The following SLC2A9 variants were observed in gnomAD, a reference collection of about 807,000 sequenced individuals.
SLC2A9 encodes the protein solute carrier family 2 member 9.
In SLC2A9, 39 loss-of-function variants were observed where a neutral mutation model predicts 50.6. The observed-to-expected ratio is 0.77, with a 90% CI of 0.60 to 1.01. SLC2A9 has a LOEUF of 1.01. SLC2A9 is among the 50% of genes least tolerant of loss of function. SLC2A9 has a pLI of 0.00. For synonymous variants in SLC2A9, 324 were observed against 276.9 expected, an observed-to-expected ratio of 1.17 and a Z score of -1.69; for missense variants, 686 against 677.6, an observed-to-expected ratio of 1.01 and a Z score of -0.14.
At chr4:9,999,037 CAG>C (rs1332510986) in intron 2 of SLC2A9, among the ~76,000 whole-genome samples, 1 of 147,470 alleles carries the variant, frequency 6.8e-6, no homozygotes, top group Non-Finnish European at 1.5e-5. Flanking sequence ...CGGGGGATGA[CAG>C]AAGAAATAAC....
intron 4 of SLC2A9, among the ~76,000 whole-genome samples, chr4:9,981,554 C>A (rs1423514077): frequency 1.3e-5 from 2 of 152,102 alleles, no homozygotes; most frequent in African/African-American, 4.8e-5. Context: ...CCTAAATCAC[C>A]AAGTAATGTC....
chr4:9,840,240 C>T (rs903872773), intron 10 of SLC2A9, among the ~76,000 whole-genome samples: 8 of 152,254 alleles, frequency 5.3e-5, no homozygotes, highest in South Asian at 2.1e-4. Context: ...AAGAACTTAG[C>T]TATCTTCATA....
chr4:10,040,036 C>A lies in SLC2A9; in HGVS notation c.-41+94G>T, dbSNP rs531490954. 2.0e-5 allele frequency: 3 copies of A among 152,724 alleles called. No individual in the cohort carries two copies. The East Asian group carries it at 5.8e-4, about 29-fold the overall frequency. The allele number at this position is 152,724 out of a possible 1,614,324, so 9.5% of individuals were successfully genotyped here. On this transcript the variant is annotated intron_variant, in intron 1 of 12. Transcript: ENST00000309065. Reference sequence around the variant, plus strand: ...TAGAGAGCTCCACTTTGCCCACACACCTTGCCCTGCTCCCGTCGTTGCCTT... The same window carrying A: ...TAGAGAGCTCCACTTTGCCCACACAACTTGCCCTGCTCCCGTCGTTGCCTT...
At chr4:9,985,863 G>A (rs1429464880) in intron 3 of SLC2A9, 70 bp from the exon 4 acceptor site, 2 of 1,608,546 alleles carry the variant, frequency 1.2e-6, no homozygotes, top group Non-Finnish European at 1.7e-6. Context: ...TCCATCCCAG[G>A]AGCAGGAGCC....
intron 2 of SLC2A9, among the ~76,000 whole-genome samples, chr4:10,010,064 A>G (rs985226100): frequency 2.6e-5 from 4 of 152,208 alleles, no homozygotes; most frequent in African/African-American, 9.6e-5. Flanking sequence ...TGCAAGAAAG[A>G]CCAGCCATGT....
chr4:9,878,964 G>A (rs1734744078), intron 10 of SLC2A9: 1 of 853,064 alleles, frequency 1.2e-6, no homozygotes, highest in South Asian at 5.4e-5. Flanking sequence ...AGCTGTGGTG[G>A]TAGAAAACAC....
chr4:9,879,006 T>G (rs911695040), intron 10 of SLC2A9: 1 of 980,200 alleles, frequency 1.0e-6, no homozygotes, highest in Non-Finnish European at 1.2e-6. Flanking sequence ...TTAATGAGTA[T>G]GTTTTGAATG....
chr4:10,037,390 T>A (rs1764141197), intron 1 of SLC2A9, among the ~76,000 whole-genome samples: 1 of 152,206 alleles, frequency 6.6e-6, no homozygotes, highest in South Asian at 2.1e-4. Flanking sequence ...TTGATGTTCA[T>A]CCTGTCGCAT....
downstream of SLC2A9, among the ~76,000 whole-genome samples, chr4:9,824,705 A>T (rs1577402262): frequency 6.6e-6 from 1 of 152,228 alleles, no homozygotes; most frequent in Non-Finnish European, 1.5e-5. Flanking sequence ...TTTAGTATGT[A>T]GCTAGTGCCT....
intron 3 of SLC2A9, among the ~76,000 whole-genome samples, chr4:9,780,703 G>A (rs1056094559): frequency 5.3e-5 from 8 of 152,192 alleles, no homozygotes; most frequent in East Asian, 1.9e-4. Context: ...AGTAGAGGCC[G>A]AAACACTTCA....
At chr4:9,810,456 T>C (rs1722726726) in intron 3 of SLC2A9, among the ~76,000 whole-genome samples, 2 of 152,222 alleles carry the variant, frequency 1.3e-5, no homozygotes, top group Admixed American at 1.3e-4. Flanking sequence ...TTTTGGTAAA[T>C]TCACCATGGT....
chr4:10,001,516 A>G (rs1161019043), intron 2 of SLC2A9, among the ~76,000 whole-genome samples: 2 of 152,210 alleles, frequency 1.3e-5, no homozygotes, highest in African/African-American at 4.8e-5. Flanking sequence ...CAGTTCTTTC[A>G]GTCACTCAGT....
In SLC2A9 at chr4:9,996,788, G is replaced by A. The variant is rs200013912; in HGVS notation, c.403C>T (p.Leu135Phe). 2 of 1,613,726 alleles carry A rather than the reference G, an allele frequency of 1.2e-6. No homozygotes were observed. Among genetic ancestry groups the A allele is most frequent in the Admixed American group, 3.3e-5 (2 of 60,014 alleles). The change falls in exon 3 of 12, where the codon CTT becomes TTT. Residue 135 changes from leucine to phenylalanine, a missense_variant. Physicochemically the swap from Leu to Phe is conservative, Grantham distance 22. Coordinates refer to ENST00000264784, the MANE Select transcript of SLC2A9 (RefSeq NM_020041.3). The stretch of plus-strand genomic sequence containing the variant: ...AGACAGCCTCCTACTGACCTCCCAA[G>A]AACCTTTCCAATCATCTTCACAATT... ...TLIVKMIGKVLGRKHTLLANN... is the reference protein window; with the variant it reads ...TLIVKMIGKVFGRKHTLLANN...
chr4:9,799,687 A>G (rs1161803406), intron 3 of SLC2A9, among the ~76,000 whole-genome samples: 3 of 76,170 alleles, frequency 3.9e-5, no homozygotes, highest in East Asian at 4.4e-4. Flanking sequence ...CTCCATTCCA[A>G]TTGTACCCCC....
intron 5 of SLC2A9, among the ~76,000 whole-genome samples, chr4:9,973,340 T>C (rs1329045268): frequency 6.6e-6 from 1 of 152,116 alleles, no homozygotes; most frequent in Non-Finnish European, 1.5e-5. Context: ...AAAAGATGGA[T>C]TCACAGCCAA....
chr4:9,966,136 A>G (rs1753013292), intron 5 of SLC2A9, among the ~76,000 whole-genome samples: 1 of 152,228 alleles, frequency 6.6e-6, no homozygotes. Context: ...TGACATGGGC[A>G]GAGTGAGACT....
intron 5 of SLC2A9, among the ~76,000 whole-genome samples, chr4:9,951,059 T>C (rs149303415): frequency 1.3e-5 from 2 of 152,214 alleles, no homozygotes; most frequent in East Asian, 3.8e-4. Context: ...ATTGCAGTAC[T>C]ATTCACAATA....
At chr4:9,832,885 CAA>C (rs1726402102) in intron 11 of SLC2A9, among the ~76,000 whole-genome samples, 1 of 152,128 alleles carries the variant, frequency 6.6e-6, no homozygotes. Context: ...TGTTAATGCT[CAA>C]ACTGTGGCAG....
chr4:9,849,047 C>T (rs1343739446), intron 10 of SLC2A9, among the ~76,000 whole-genome samples: 1 of 152,148 alleles, frequency 6.6e-6, no homozygotes, highest in Non-Finnish European at 1.5e-5. Context: ...AACCAGGGTG[C>T]ACGTTCAGTG....
Sources: allele counts gnomAD v4.1 joint callset (sites outside exome capture counted in the v4.1 genomes callset), GRCh38; gene constraint gnomAD v4.1.1; transcripts MANE v1.5; gene names NCBI Gene and HGNC (gene_info 2026-07-23, HGNC 2026-07-21).